The following LUC7L3 variants were observed in gnomAD, a reference collection of about 807,000 sequenced individuals.
LUC7L3 encodes the protein LUC7 like 3 pre-mRNA splicing factor.
In LUC7L3, 6 loss-of-function variants were observed where a neutral mutation model predicts 66.8. The observed-to-expected ratio is 0.09, with a 90% CI of 0.05 to 0.18. The LOEUF (loss-of-function observed/expected upper bound fraction) is 0.18. LUC7L3 is among the 10% of genes least tolerant of loss of function. LUC7L3 has a pLI of 1.00. For missense variants in LUC7L3, 341 were observed against 531.1 expected, an observed-to-expected ratio of 0.64 and a Z score of 3.52; for synonymous variants, 160 against 174.7, an observed-to-expected ratio of 0.92 and a Z score of 0.66.
At chr17:50,740,423 C>T (rs1458189490) in intron 3 of LUC7L3, 78 bp downstream of exon 3, 5 of 1,326,890 alleles carry the variant, frequency 3.8e-6, no homozygotes, top group Non-Finnish European at 5.3e-6. Context: ...GGAATAATTG[C>T]AATTAAATGT....
intron 9 of LUC7L3, among the ~76,000 whole-genome samples, chr17:50,749,598 G>T (rs1970883448): frequency 6.6e-6 from 1 of 152,130 alleles, no homozygotes; most frequent in South Asian, 2.1e-4. Context: ...TATGTAGAGG[G>T]TTCTGTTTCT....
At chr17:50,742,694 G>A (rs1242258078) in intron 5 of LUC7L3, among the ~76,000 whole-genome samples, 1 of 152,080 alleles carries the variant, frequency 6.6e-6, no homozygotes, top group Non-Finnish European at 1.5e-5. Flanking sequence ...TGTACCATAT[G>A]CCATTCTACT....
intron 1 of LUC7L3, among the ~76,000 whole-genome samples, chr17:50,734,989 C>T (rs981587120): frequency 2.0e-5 from 3 of 152,160 alleles, no homozygotes; most frequent in South Asian, 2.1e-4. Flanking sequence ...CTAGCACTTT[C>T]GGAGGCCGAG....
chr17:50,729,970 T>G (rs1450649053), intron 1 of LUC7L3, among the ~76,000 whole-genome samples: 5 of 122,444 alleles, frequency 4.1e-5, no homozygotes, highest in Admixed American at 1.8e-4. Context: ...GGTGGGGAGG[T>G]GGGGACAGTG....
At chr17:50,736,268 T>G (rs1043316431) in intron 1 of LUC7L3, among the ~76,000 whole-genome samples, 1 of 152,280 alleles carries the variant, frequency 6.6e-6, no homozygotes, top group Admixed American at 6.5e-5. Flanking sequence ...AGAGCAGTTT[T>G]GGAATATATC....
At position 50,719,663 on chromosome 17, in the gene LUC7L3, C is replaced by T. The variant is rs973841505; in HGVS notation, c.-70C>T. ...CCTGAGAGCGGGCCGAGGAGATTGG[C>T]GACGGTGTCGCCCGTGTTTTCGTTG... On this transcript the variant is annotated 5_prime_UTR_variant, in exon 1 of 10. Transcript: ENST00000505658. 4 of 1,320,004 alleles carry T rather than the reference C, an allele frequency of 3.0e-6. No homozygotes were observed. Among genetic ancestry groups the T allele is most frequent in the Admixed American group, 3.9e-5 (2 of 51,762 alleles). The allele number at this position is 1,320,004 out of a possible 1,614,324, so 81.8% of individuals were successfully genotyped here.
chr17:50,734,330 G>C (rs1490362350), intron 1 of LUC7L3, among the ~76,000 whole-genome samples: 2 of 152,084 alleles, frequency 1.3e-5, no homozygotes, highest in African/African-American at 4.8e-5. Context: ...ACCATGCCTG[G>C]CTAATTTTGT....
At chr17:50,727,179 G>A (rs1329584521) in intron 1 of LUC7L3, among the ~76,000 whole-genome samples, 1 of 152,192 alleles carries the variant, frequency 6.6e-6, no homozygotes, top group Non-Finnish European at 1.5e-5. Flanking sequence ...CCAGTCAGTG[G>A]TAGGCTTTTG....
At chr17:50,737,346 T>A (rs1161790259) in intron 2 of LUC7L3, 5 of 482,642 alleles carry the variant, frequency 1.0e-5, no homozygotes, top group Non-Finnish European at 2.0e-5. Context: ...AGATGACAAG[T>A]GGATGGAGGA....
intron 1 of LUC7L3, among the ~76,000 whole-genome samples, chr17:50,721,176 A>C (rs1968726661): frequency 6.6e-6 from 1 of 152,090 alleles, no homozygotes; most frequent in Non-Finnish European, 1.5e-5. Flanking sequence ...CAAAATCCTA[A>C]GTAAGGTAAA....
intron 1 of LUC7L3, among the ~76,000 whole-genome samples, chr17:50,734,714 A>C (rs1163045193): frequency 6.6e-6 from 1 of 152,256 alleles, no homozygotes; most frequent in Admixed American, 6.5e-5. Context: ...AAAGATACTA[A>C]GACATAAAGC....
At chr17:50,725,359 G>A (rs536532425) in intron 1 of LUC7L3, among the ~76,000 whole-genome samples, 1 of 152,196 alleles carries the variant, frequency 6.6e-6, no homozygotes, top group Admixed American at 6.5e-5. Context: ...GCAGTGAGCC[G>A]AGATCACGCC....
chr17:50,723,820 C>G (rs1191406996), intron 1 of LUC7L3: 1 of 346,530 alleles, frequency 2.9e-6, no homozygotes, highest in East Asian at 9.2e-5. Context: ...TATTTTTAGT[C>G]GACAGGGTTT....
chr17:50,746,713 A>G lies in LUC7L3; in HGVS notation c.1138+11A>G. 3 of 1,608,478 alleles carry G rather than the reference A, an allele frequency of 1.9e-6. No individual in the cohort carries two copies. Among genetic ancestry groups the G allele is most frequent in the Non-Finnish European group, 1.7e-6 (2 of 1,177,994 alleles). ...AATCCAAGGAGAAAGGTTAGTTTATATGAGAATTCAGTTCATTAAGAAACT... is the reference window on the plus strand; with the variant it reads ...AATCCAAGGAGAAAGGTTAGTTTATGTGAGAATTCAGTTCATTAAGAAACT... On this transcript the variant is annotated intron_variant, in intron 9 of 9. Transcript: ENST00000505658.
chr17:50,746,764 CT>C lies in LUC7L3; in HGVS notation c.1138+66del, dbSNP rs1597939002. 7 of 1,456,296 alleles carry C rather than the reference CT, an allele frequency of 4.8e-6. No individual in the cohort carries two copies. In the East Asian group the frequency reaches 9.3e-5, roughly 19 times the overall value. 90.2% of individuals were successfully genotyped at this position (1,456,296 alleles called of 1,614,324 possible). Reference sequence around the variant, plus strand: ...TTTCACACCCTAATCGCCCCACTCACTTTTCTCCAGACACAGGCAAAGATCC... The same window carrying C: ...TTTCACACCCTAATCGCCCCACTCACTTTCTCCAGACACAGGCAAAGATCC... On this transcript the variant is annotated intron_variant, in intron 9 of 9. Coordinates refer to ENST00000505658, the MANE Select transcript of LUC7L3 (RefSeq NM_016424.5).
rs1003860221 is a variant in LUC7L3 at position 50,750,953 on chromosome 17, A to G, written c.*292A>G. 2 of 1,506,290 alleles carry G rather than the reference A, an allele frequency of 1.3e-6. No individual in the cohort carries two copies. The highest frequency in any genetic ancestry group is 1.8e-6 in the Non-Finnish European group (2 of 1,133,920). 93.3% of individuals were successfully genotyped at this position (1,506,290 alleles called of 1,614,324 possible). A position where few individuals can be genotyped will look rare whatever the true frequency, so the allele number is the denominator to read the frequency against. On this transcript the variant is annotated 3_prime_UTR_variant, in exon 10 of 10. Coordinates refer to ENST00000505658, the MANE Select transcript of LUC7L3 (RefSeq NM_016424.5). Reference sequence around the variant, plus strand: ...ACATTTGTAATATAGTCGCCATTGAAAAGTTAATTATCCTTTTTTTAGGGA... The same window carrying G: ...ACATTTGTAATATAGTCGCCATTGAGAAGTTAATTATCCTTTTTTTAGGGA...
Position 50,756,090 on chromosome 17 carries a change from G to GCT in LUC7L3, c.*5429_*5430insCT, listed in dbSNP as rs1971105666. 1 of 152,160 alleles carries GCT rather than the reference G, an allele frequency of 6.6e-6. No individual in the cohort carries two copies. The highest frequency in any genetic ancestry group is 6.5e-5 in the Admixed American group (1 of 15,276). The allele number at this position is 152,160 out of a possible 1,614,324, so 9.4% of individuals were successfully genotyped here. A position where few individuals can be genotyped will look rare whatever the true frequency, so the allele number is the denominator to read the frequency against. On this transcript the variant is annotated 3_prime_UTR_variant, in exon 10 of 10. Coordinates refer to ENST00000505658, the MANE Select transcript of LUC7L3 (RefSeq NM_016424.5). ...GGAGAGGTGATCATGAGGGCACAGG[G>GCT]GTCTTCAGAAGAACTGGTGAGGGTC...
At chr17:50,726,742 A>G (rs1217092328) in intron 1 of LUC7L3, among the ~76,000 whole-genome samples, 2 of 152,114 alleles carry the variant, frequency 1.3e-5, no homozygotes, top group Admixed American at 1.3e-4. Flanking sequence ...ACTTATAGTT[A>G]TTTTTTTCCC....
intron 1 of LUC7L3, among the ~76,000 whole-genome samples, chr17:50,728,909 A>ATCAG (rs1555606994): frequency 6.7e-5 from 10 of 149,878 alleles, no homozygotes; most frequent in African/African-American, 2.2e-4. Flanking sequence ...TTTTAAATTA[A>ATCAG]TATTTGTATG....
Sources: allele counts gnomAD v4.1 joint callset (sites outside exome capture counted in the v4.1 genomes callset), GRCh38; gene constraint gnomAD v4.1.1; transcripts MANE v1.5; gene names NCBI Gene and HGNC (gene_info 2026-07-23, HGNC 2026-07-21).